The following NDUFA9 variants were observed in gnomAD, a reference collection of about 807,000 sequenced individuals.
NDUFA9 encodes NADH dehydrogenase [ubiquinone] 1 alpha subcomplex subunit 9, mitochondrial.
In NDUFA9, 23 loss-of-function variants were observed where a neutral mutation model predicts 45.9. That is an observed-to-expected ratio of 0.50 (90% CI 0.36 to 0.71). The LOEUF is 0.71. Ranked by LOEUF, NDUFA9 falls within the 30% of genes least tolerant of loss-of-function variation. NDUFA9 has a pLI of 0.00. For synonymous variants in NDUFA9, 176 were observed against 170.5 expected, an observed-to-expected ratio of 1.03 and a Z score of -0.25; for missense variants, 466 against 488.2, an observed-to-expected ratio of 0.95 and a Z score of 0.43.
intron 8 of NDUFA9, among the ~76,000 whole-genome samples, chr12:4,672,807 A>G (rs1945895292): frequency 6.6e-6 from 1 of 152,214 alleles, no homozygotes; most frequent in Admixed American, 6.5e-5. Context: ...GTGCAGCTTC[A>G]GCAGACTTTT....
rs1405963996 is a variant in NDUFA9, at chr12:4,694,074, G to C, written c.*6966G>C. 1 of 152,206 alleles carries C rather than the reference G, an allele frequency of 6.6e-6. No homozygotes were observed. Among genetic ancestry groups the C allele is most frequent in the East Asian group, 1.9e-4 (1 of 5,194 alleles). 9.4% of individuals were successfully genotyped at this position (152,206 alleles called of 1,614,324 possible). ...GGACAAAGACCCTTCCTTCCTGGCT[G>C]TTTGATTTTGATTCTATGGGAGCTA... is the stretch of plus-strand genomic sequence containing the variant. On this transcript the variant is annotated 3_prime_UTR_variant, in exon 11 of 11. Transcript: ENST00000266544.
At chr12:4,665,565 A>T (rs1306479650) in intron 6 of NDUFA9, among the ~76,000 whole-genome samples, 1 of 152,070 alleles carries the variant, frequency 6.6e-6, no homozygotes, top group Non-Finnish European at 1.5e-5. Context: ...AATATCCCTG[A>T]TTTCAGTTAT....
intron 8 of NDUFA9, among the ~76,000 whole-genome samples, chr12:4,679,756 G>A (rs1292763992): frequency 1.3e-5 from 2 of 152,174 alleles, no homozygotes; most frequent in Admixed American, 1.3e-4. Context: ...CAAAGGAAAC[G>A]GGTAAAGAGA....
At chr12:4,682,881 A>G (rs1945962104) in intron 9 of NDUFA9, among the ~76,000 whole-genome samples, 1 of 152,198 alleles carries the variant, frequency 6.6e-6, no homozygotes, top group Non-Finnish European at 1.5e-5. Context: ...AGCCTGGGCA[A>G]TATAGCGAAG....
chr12:4,674,944 A>T (rs576395569), intron 8 of NDUFA9, among the ~76,000 whole-genome samples: 22 of 152,346 alleles, frequency 1.4e-4, no homozygotes, highest in African/African-American at 4.8e-4. Context: ...AGCAAATGCG[A>T]AAGAACAGAA....
rs71459917 is a variant in NDUFA9, at chr12:4,689,453, C to T, written c.*2345C>T. The T allele has an allele frequency of 0.011, 1,628 of 153,582 alleles. 17 individuals carry two copies. Among genetic ancestry groups the T allele is most frequent in the Middle Eastern group, 0.03 (9 of 300 alleles). The allele number at this position is 153,582 out of a possible 1,614,324, so 9.5% of individuals were successfully genotyped here. On this transcript the variant is annotated 3_prime_UTR_variant, in exon 11 of 11. Coordinates refer to ENST00000266544, the MANE Select transcript of NDUFA9 (RefSeq NM_005002.5). ...CTAGGCAGAGGACCCTGCGGCCTTC[C>T]GCAGTGTTTGTGTCCCTGGGTACTT... is the stretch of plus-strand genomic sequence containing the variant.
intron 8 of NDUFA9, among the ~76,000 whole-genome samples, chr12:4,673,508 A>T (rs540722801): frequency 6.6e-6 from 1 of 152,356 alleles, no homozygotes; most frequent in Admixed American, 6.5e-5. Context: ...TGAAAAACAC[A>T]GCACGAGAAC....
chr12:4,664,478 T>A (rs1429363958), intron 6 of NDUFA9, among the ~76,000 whole-genome samples: 1 of 152,374 alleles, frequency 6.6e-6, no homozygotes, highest in East Asian at 1.9e-4. Flanking sequence ...GGTTCAGAGA[T>A]GTTTAGAACT....
At chr12:4,681,699 T>C (rs1018202205) in intron 8 of NDUFA9, among the ~76,000 whole-genome samples, 1 of 151,500 alleles carries the variant, frequency 6.6e-6, no homozygotes, top group African/African-American at 2.4e-5. Flanking sequence ...CTTAAAATTT[T>C]AAAGTCTACA....
At position 4,673,069 on chromosome 12, in the gene NDUFA9, C is replaced by T. The variant is rs552667942; in HGVS notation, c.800+3252C>T. Among the ~76,000 whole-genome samples, 4 of 152,354 alleles carry T rather than the reference C, an allele frequency of 2.6e-5. No individual in the cohort carries two copies. The South Asian group carries it at 8.3e-4, about 32-fold the overall frequency. On this transcript the variant is annotated intron_variant, in intron 8 of 10. Transcript: ENST00000266544. Reference sequence around the variant, plus strand: ...AATCTTTGCTGTTCTGCAGCCTCTGCTAGTGATACCCAGGCAAACAGGGTC... The same window carrying T: ...AATCTTTGCTGTTCTGCAGCCTCTGTTAGTGATACCCAGGCAAACAGGGTC...
intron 8 of NDUFA9, among the ~76,000 whole-genome samples, chr12:4,674,794 T>C (rs1945908909): frequency 6.6e-6 from 1 of 152,196 alleles, no homozygotes; most frequent in East Asian, 1.9e-4. Context: ...ATCCAGGACT[T>C]GAACTCAGCT....
intron 8 of NDUFA9, among the ~76,000 whole-genome samples, chr12:4,677,842 T>C (rs1446874200): frequency 1.3e-5 from 2 of 152,230 alleles, no homozygotes; most frequent in Non-Finnish European, 2.9e-5. Context: ...TGCACACGTA[T>C]GTTTATTACG....
chr12:4,668,401 G>T, intron 6 of NDUFA9, 56 bp from the exon 7 acceptor site: 1 of 1,329,506 alleles, frequency 7.5e-7, no homozygotes, highest in Non-Finnish European at 1.1e-6. Flanking sequence ...TAAGACTGTT[G>T]GATCTTACAG....
intron 7 of NDUFA9, among the ~76,000 whole-genome samples, chr12:4,668,940 G>A (rs1945869845): frequency 6.6e-6 from 1 of 152,190 alleles, no homozygotes; most frequent in South Asian, 2.1e-4. Flanking sequence ...ATTTCAAAAG[G>A]AAGGGCATTT....
At chr12:4,650,600 C>T (rs1261392864) in intron 1 of NDUFA9, among the ~76,000 whole-genome samples, 1 of 152,040 alleles carries the variant, frequency 6.6e-6, no homozygotes, top group Non-Finnish European at 1.5e-5. Context: ...TAACATAATC[C>T]ACACACTATA....
intron 1 of NDUFA9, among the ~76,000 whole-genome samples, chr12:4,652,587 A>T (rs1591541551): frequency 1.3e-5 from 2 of 152,230 alleles, no homozygotes; most frequent in East Asian, 3.9e-4. Flanking sequence ...TCCTTGAAAC[A>T]GTTTCTTATT....
At chr12:4,686,712 C>T (rs138556456) in intron 10 of NDUFA9, among the ~76,000 whole-genome samples, 328 of 152,244 alleles carry the variant, frequency 2.2e-3, no homozygotes, top group African/African-American at 7.5e-3. Context: ...CACTGGGGAC[C>T]TCGATCTGAT....
At chr12:4,668,677 A>C (rs923680023) in intron 7 of NDUFA9, 153 bp downstream of exon 7, 5 of 673,274 alleles carry the variant, frequency 7.4e-6, no homozygotes, top group Admixed American at 7.3e-5. Context: ...TAAGAGGTAC[A>C]TGCCTTCTCT....
chr12:4,676,831 C>T (rs977146166), intron 8 of NDUFA9, among the ~76,000 whole-genome samples: 4 of 152,064 alleles, frequency 2.6e-5, no homozygotes, highest in African/African-American at 9.7e-5. Context: ...AAAAAAGAGC[C>T]CACATAGCCA....
Sources: allele counts gnomAD v4.1 joint callset (sites outside exome capture counted in the v4.1 genomes callset), GRCh38; gene constraint gnomAD v4.1.1; transcripts MANE v1.5; gene names NCBI Gene and HGNC (gene_info 2026-07-23, HGNC 2026-07-21).